Variants in FRMD5 observed in about 807,000 individuals in gnomAD.
FRMD5 encodes the protein FERM domain containing 5.
Under a neutral mutation model 69.0 loss-of-function variants are expected in FRMD5, and 20 were observed. The observed-to-expected ratio is 0.29, with a 90% confidence interval of 0.20 to 0.42. The LOEUF is 0.42. Ranked by LOEUF, FRMD5 falls within the 10% of genes least tolerant of loss-of-function variation. FRMD5 has a pLI of 1.00. For synonymous variants in FRMD5, 271 were observed against 260.1 expected (o/e 1.04, Z -0.40); for missense variants, 595 against 708.6 (o/e 0.84, Z 1.82).
At chr15:44,094,714 C>T (rs958469609) in intron 1 of FRMD5, among the ~76,000 whole-genome samples, 3 of 152,018 alleles carry the variant, frequency 2.0e-5, no homozygotes, top group Admixed American at 6.6e-5. Flanking sequence ...TTTTATTTTG[C>T]AGCTAATATT....
intron 13 of FRMD5, among the ~76,000 whole-genome samples, chr15:43,881,060 G>T (rs745727791): frequency 1.1e-4 from 17 of 152,184 alleles, no homozygotes; most frequent in Admixed American, 7.9e-4. Context: ...GAGAGCCTCA[G>T]CCCTCCCTCT....
chr15:44,099,119 A>C (rs540125368), intron 1 of FRMD5, among the ~76,000 whole-genome samples: 36 of 152,352 alleles, frequency 2.4e-4, no homozygotes, highest in African/African-American at 7.7e-4. Flanking sequence ...CACCTCCCTC[A>C]CATCAATATG....
chr15:44,143,457 A>T (rs1466053117), intron 1 of FRMD5, among the ~76,000 whole-genome samples: 1 of 151,738 alleles, frequency 6.6e-6, no homozygotes, highest in East Asian at 1.9e-4. Context: ...ATAGCCAAAA[A>T]TTTTCACTGG....
intron 1 of FRMD5, among the ~76,000 whole-genome samples, chr15:44,105,464 C>T (rs370943631): frequency 1.3e-5 from 2 of 152,124 alleles, no homozygotes; most frequent in African/African-American, 2.4e-5. Flanking sequence ...GTGACCAAGG[C>T]GCTAACTTAC....
At chr15:44,073,783 C>G (rs1371712488) in intron 1 of FRMD5, among the ~76,000 whole-genome samples, 4 of 152,140 alleles carry the variant, frequency 2.6e-5, no homozygotes, top group Non-Finnish European at 5.9e-5. Context: ...AACAAGTCCT[C>G]TATGACACCT....
chr15:44,049,415 A>G (rs966892488), intron 1 of FRMD5, among the ~76,000 whole-genome samples: 2 of 152,182 alleles, frequency 1.3e-5, no homozygotes, highest in African/African-American at 4.8e-5. Flanking sequence ...GAGTAACCCT[A>G]GTGAATAAAG....
chr15:43,941,561 G>A (rs546877316), intron 1 of FRMD5, among the ~76,000 whole-genome samples: 310 of 152,330 alleles, frequency 2.0e-3, no homozygotes, highest in Admixed American at 5.2e-3. Context: ...CTGGGTGGGT[G>A]GAATAGGGAC....
At chr15:44,084,349 C>G (rs570383510) in intron 1 of FRMD5, among the ~76,000 whole-genome samples, 1 of 152,038 alleles carries the variant, frequency 6.6e-6, no homozygotes, top group African/African-American at 2.4e-5. Flanking sequence ...TCACCTAATA[C>G]AACCCATGGG....
intron 1 of FRMD5, among the ~76,000 whole-genome samples, chr15:43,973,466 C>A (rs1244773684): frequency 2.0e-5 from 3 of 151,598 alleles, no homozygotes; most frequent in Non-Finnish European, 4.4e-5. Flanking sequence ...CTCCCAGGTT[C>A]AAGCGATTCT....
intron 1 of FRMD5, among the ~76,000 whole-genome samples, chr15:44,122,797 A>G (rs2076972309): frequency 6.6e-6 from 1 of 152,058 alleles, no homozygotes; most frequent in Admixed American, 6.6e-5. Context: ...CCAGCTACTC[A>G]GGAGAATGGC....
chr15:43,972,263 C>T (rs1196362985), intron 1 of FRMD5, among the ~76,000 whole-genome samples: 2 of 151,814 alleles, frequency 1.3e-5, no homozygotes, highest in African/African-American at 2.4e-5. Context: ...CAGCACATCA[C>T]ACAACATCAT....
At chr15:44,156,300 C>T (rs564225694) in intron 1 of FRMD5, among the ~76,000 whole-genome samples, 4 of 152,204 alleles carry the variant, frequency 2.6e-5, no homozygotes, top group African/African-American at 4.8e-5. Context: ...GGCGCCACCA[C>T]GCCCAACCAA....
chr15:43,924,865 A>G (rs567205863), intron 1 of FRMD5, among the ~76,000 whole-genome samples: 1 of 152,324 alleles, frequency 6.6e-6, no homozygotes, highest in East Asian at 1.9e-4. Flanking sequence ...TTCTTGCTGA[A>G]TAAGTGATCA....
At chr15:43,887,599 G>A (rs2088694009) in intron 10 of FRMD5, among the ~76,000 whole-genome samples, 1 of 152,210 alleles carries the variant, frequency 6.6e-6, no homozygotes, top group Non-Finnish European at 1.5e-5. Context: ...GCAACTGGGA[G>A]GACCCAGTTC....
At chr15:43,976,086 G>A (rs2090458002) in intron 1 of FRMD5, among the ~76,000 whole-genome samples, 1 of 145,776 alleles carries the variant, frequency 6.9e-6, no homozygotes, top group African/African-American at 2.5e-5. Context: ...GGGAGAGGGA[G>A]ACTTCAATTC....
At chr15:43,936,083 A>G (rs955876656) in intron 1 of FRMD5, among the ~76,000 whole-genome samples, 2 of 151,532 alleles carry the variant, frequency 1.3e-5, no homozygotes, top group African/African-American at 4.9e-5. Context: ...GTTTAATTCC[A>G]CTCTCCTCTC....
At chr15:43,960,884 T>C (rs995932156) in intron 1 of FRMD5, among the ~76,000 whole-genome samples, 11 of 152,158 alleles carry the variant, frequency 7.2e-5, no homozygotes, top group African/African-American at 2.7e-4. Flanking sequence ...AAGTCTAATC[T>C]TGTATTTGAA....
At chr15:44,133,299 G>A (rs946775097) in intron 1 of FRMD5, among the ~76,000 whole-genome samples, 22 of 151,768 alleles carry the variant, frequency 1.4e-4, no homozygotes, top group African/African-American at 4.6e-4. Flanking sequence ...TGAAAAGGCC[G>A]GGCACGGTGG....
intron 1 of FRMD5, among the ~76,000 whole-genome samples, chr15:44,002,734 G>A (rs533200669): frequency 3.3e-4 from 50 of 152,232 alleles, no homozygotes; most frequent in South Asian, 2.1e-3. Flanking sequence ...GTCAGGGGTC[G>A]ATCTTTAACT....
Sources: gnomAD v4.1 joint callset for allele counts (sites outside exome capture counted in the v4.1 genomes callset) on GRCh38, gnomAD v4.1.1 for gene constraint, MANE v1.5 for transcripts, NCBI Gene and HGNC (gene_info 2026-07-23, HGNC 2026-07-21) for gene names.